PREX2: variants seen among roughly 807,000 people sequenced by gnomAD.
PREX2 encodes the protein phosphatidylinositol-3,4,5-trisphosphate dependent Rac exchange factor 2.
A neutral mutation model predicts 203.2 loss-of-function variants in PREX2; 107 were observed. That is an observed-to-expected ratio of 0.53 (90% CI 0.45 to 0.62). PREX2 has a LOEUF of 0.62. PREX2 is among the 20% of genes least tolerant of loss of function. The pLI is 0.00. For missense variants in PREX2, 1,777 were observed against 1,955.9 expected, an observed-to-expected ratio of 0.91 and a Z score of 1.72; for synonymous variants, 672 against 663.6, an observed-to-expected ratio of 1.01 and a Z score of -0.19.
At chr8:68,226,951 G>A (rs1813068026) in intron 39 of PREX2, among the ~76,000 whole-genome samples, 2 of 152,208 alleles carry the variant, frequency 1.3e-5, no homozygotes, top group South Asian at 4.1e-4. Context: ...GATGTTTTGA[G>A]AACTATGCCT....
rs1172689039 is a variant in PREX2, at chr8:68,022,123, A to G, written c.424A>G (p.Ile142Val). 5.9e-6 allele frequency: 9 copies of G among 1,526,942 alleles called. No individual in the cohort carries two copies. The highest frequency in any genetic ancestry group is 8.2e-6 in the Non-Finnish European group (9 of 1,101,012). The allele number at this position is 1,526,942 out of a possible 1,614,324, so 94.6% of individuals were successfully genotyped here. Residue 142 changes from isoleucine to valine, a missense_variant, in exon 4 of 40, where the codon ATC becomes GTC. Transcript: ENST00000288368. ...LLLELNKIRT[I>V]RTFLLNCMLL... ...TCTTGAACTCAACAAAATAAGAACAATCCGGACATTTCTTTTGGTAAGTGT... is the reference window on the plus strand; with the variant it reads ...TCTTGAACTCAACAAAATAAGAACAGTCCGGACATTTCTTTTGGTAAGTGT...
chr8:68,215,684 A>G (rs1812822199), intron 37 of PREX2, among the ~76,000 whole-genome samples: 1 of 146,856 alleles, frequency 6.8e-6, no homozygotes, highest in Non-Finnish European at 1.5e-5. Context: ...ACAGGCACCC[A>G]CCACCACCAC....
At chr8:68,209,891 C>T (rs1055878940) in intron 37 of PREX2, among the ~76,000 whole-genome samples, 2 of 152,148 alleles carry the variant, frequency 1.3e-5, no homozygotes, top group African/African-American at 4.8e-5. Flanking sequence ...TGACATATGC[C>T]TGTAGTGTGT....
At chr8:68,113,155 A>T (rs1810567642) in intron 25 of PREX2, among the ~76,000 whole-genome samples, 2 of 152,204 alleles carry the variant, frequency 1.3e-5, no homozygotes. Flanking sequence ...AATTTTATGC[A>T]AAACATGGTG....
intron 3 of PREX2, 116 bp from the exon 4 acceptor site, chr8:68,021,920 A>T (rs1807579492): frequency 1.6e-6 from 1 of 619,262 alleles, no homozygotes; most frequent in Non-Finnish European, 2.9e-6. Flanking sequence ...GTATACACGC[A>T]GTATAGCTCT....
At chr8:67,970,319 T>C (rs1805891393) in intron 1 of PREX2, among the ~76,000 whole-genome samples, 1 of 152,134 alleles carries the variant, frequency 6.6e-6, no homozygotes, top group Non-Finnish European at 1.5e-5. Context: ...CTAAAAAATA[T>C]AATAAATAAA....
At position 68,027,341 on chromosome 8, in the gene PREX2, T is replaced by G; in HGVS notation, c.543+18T>G. On this transcript the variant is annotated intron_variant, in intron 5 of 39. Transcript: ENST00000288368. ...TTTTGAAGGTATTTTATGTGCTACC[T>G]CATTGTAGCCATTTTCTTGTATCTA... 1 of 1,399,810 alleles carries G rather than the reference T, an allele frequency of 7.1e-7. No homozygotes were observed. Among genetic ancestry groups the G allele is most frequent in the African/African-American group, 1.4e-5 (1 of 70,772 alleles). 86.7% of individuals were successfully genotyped at this position (1,399,810 alleles called of 1,614,324 possible). A position where few individuals can be genotyped will look rare whatever the true frequency, so the allele number is the denominator to read the frequency against.
chr8:68,135,769 T>A (rs1197496054), intron 32 of PREX2, among the ~76,000 whole-genome samples: 1 of 152,210 alleles, frequency 6.6e-6, no homozygotes, highest in African/African-American at 2.4e-5. Context: ...CAAAATCTTG[T>A]ATGCAAACAT....
At chr8:67,969,533 G>C (rs1280066597) in intron 1 of PREX2, among the ~76,000 whole-genome samples, 1 of 152,152 alleles carries the variant, frequency 6.6e-6, no homozygotes, top group Non-Finnish European at 1.5e-5. Context: ...AGGAGAGGTA[G>C]ATTTTGATTG....
chr8:68,020,884 A>AT (rs946518033), intron 3 of PREX2, among the ~76,000 whole-genome samples: 2 of 152,122 alleles, frequency 1.3e-5, no homozygotes, highest in African/African-American at 4.8e-5. Flanking sequence ...TCTGAAGTTT[A>AT]TTTTTTTTCT....
rs1419751147 is a variant in PREX2, at chr8:68,228,769, AT to A, written c.4776-2563del. On this transcript the variant is annotated intron_variant, in intron 39 of 39. Transcript: ENST00000288368. ...CGACAGAGCGAGACTCCGTCTCTAA[AT>A]AAATAAATAAATAAATAAATAAATA... Among the ~76,000 whole-genome samples, 3 of 32,664 alleles carry A rather than the reference AT, an allele frequency of 9.2e-5. No homozygotes were observed. In the African/African-American group the frequency reaches 1.3e-3, roughly 14 times the overall value. 21.4% of individuals were successfully genotyped at this position (32,664 alleles called of 152,430 possible).
At chr8:68,179,957 G>C (rs1240248113) in intron 35 of PREX2, among the ~76,000 whole-genome samples, 2 of 152,110 alleles carry the variant, frequency 1.3e-5, no homozygotes, top group Admixed American at 1.3e-4. Flanking sequence ...ACTGCTGGCA[G>C]AATCAATGAT....
rs751650019 is a variant in PREX2, at chr8:68,080,839, G to T, written c.1878+1G>T. The T allele has an allele frequency of 1.7e-5, 24 of 1,409,968 alleles. No individual in the cohort carries two copies. The highest frequency in any genetic ancestry group is 2.3e-5 in the Non-Finnish European group (23 of 1,007,364). 87.3% of individuals were successfully genotyped at this position (1,409,968 alleles called of 1,614,324 possible). ...GGTAGAAAAGGGATCTAATGCTGAG[G>T]TAATGTAAATTAGCGTTTTAATTTA... On this transcript the variant is annotated splice_donor_variant, in intron 17 of 39. Coordinates refer to ENST00000288368, the MANE Select transcript of PREX2 (RefSeq NM_024870.4). LOFTEE classifies it high-confidence loss of function.
chr8:68,208,991 G>A (rs576433639), intron 37 of PREX2, among the ~76,000 whole-genome samples: 4 of 149,118 alleles, frequency 2.7e-5, no homozygotes, highest in African/African-American at 9.9e-5. Flanking sequence ...GATCACTTAA[G>A]CGCAAGAATT....
chr8:68,152,381 A>G (rs1282143828), intron 34 of PREX2, among the ~76,000 whole-genome samples: 1 of 151,550 alleles, frequency 6.6e-6, no homozygotes, highest in Non-Finnish European at 1.5e-5. Flanking sequence ...CTTTTTTACA[A>G]AAGAAGAAAT....
At chr8:68,007,670 C>T (rs1045938861) in intron 1 of PREX2, among the ~76,000 whole-genome samples, 2 of 152,148 alleles carry the variant, frequency 1.3e-5, no homozygotes, top group Admixed American at 6.5e-5. Context: ...AGTGCAGTGG[C>T]GCCATCTTGG....
chr8:67,974,068 A>C (rs547004240), intron 1 of PREX2, among the ~76,000 whole-genome samples: 1 of 152,362 alleles, frequency 6.6e-6, no homozygotes, highest in South Asian at 2.1e-4. Context: ...TAAATAAGAA[A>C]ATATTCTATG....
chr8:68,124,741 A>G (rs1224034852), intron 30 of PREX2, among the ~76,000 whole-genome samples: 5 of 152,276 alleles, frequency 3.3e-5, no homozygotes, highest in Non-Finnish European at 7.4e-5. Flanking sequence ...CTGCTTTTGT[A>G]TTCTCTGTAA....
chr8:68,231,439 A>C lies in PREX2; in HGVS notation c.*61A>C. On this transcript the variant is annotated 3_prime_UTR_variant, in exon 40 of 40. Transcript: ENST00000288368. ...CTGAATGCTGGACTAGACAAACTAC[A>C]TGCTGGCTAAACATTCTCCACTGAA... The C allele has an allele frequency of 9.1e-6, 12 of 1,315,862 alleles. No homozygotes were observed. The highest frequency in any genetic ancestry group is 1.3e-5 in the Non-Finnish European group (12 of 955,210). The allele number at this position is 1,315,862 out of a possible 1,614,324, so 81.5% of individuals were successfully genotyped here.
Sources: gnomAD v4.1 joint callset for allele counts (sites outside exome capture counted in the v4.1 genomes callset) on GRCh38, gnomAD v4.1.1 for gene constraint, MANE v1.5 for transcripts, NCBI Gene and HGNC (gene_info 2026-07-23, HGNC 2026-07-21) for gene names.